Variants in ACSS3 observed in about 807,000 individuals in gnomAD.
The protein encoded by ACSS3 is acyl-CoA synthetase short-chain family member 3, mitochondrial.
A neutral mutation model predicts 84.2 loss-of-function variants in ACSS3; 64 were observed. That is an observed-to-expected ratio of 0.76 (90% CI 0.62 to 0.94). ACSS3 has a LOEUF of 0.94. Among genes scored for constraint, ACSS3 ranks in the 40% least tolerant of loss-of-function variants. The pLI, the probability that ACSS3 is intolerant of heterozygous loss-of-function variation, is 0.00. For missense variants in ACSS3, 815 were observed against 867.6 expected (o/e 0.94, Z 0.76); for synonymous variants, 317 against 310.1 (o/e 1.02, Z -0.23).
At chr12:81,205,852 G>A (rs80340714) in intron 9 of ACSS3, among the ~76,000 whole-genome samples, 4 of 152,066 alleles carry the variant, frequency 2.6e-5, no homozygotes, top group African/African-American at 9.7e-5. Context: ...TTTTTAAAAC[G>A]TTTCACAACT....
rs559943225 is a variant in ACSS3, at chr12:81,224,738, T to G, written c.1514+4662T>G. Among the ~76,000 whole-genome samples, 27 of 152,062 alleles carry G rather than the reference T, an allele frequency of 1.8e-4. 1 individual carries two copies. In the South Asian group the frequency reaches 5.2e-3, roughly 29 times the overall value. On this transcript the variant is annotated intron_variant, in intron 11 of 15. Transcript: ENST00000548058. ...TCACCTTTTAAATTGCACACCATTC[T>G]GAATAGGTGATGAATTCTTGTACTG...
At chr12:81,206,624 A>T (rs895181397) in intron 9 of ACSS3, among the ~76,000 whole-genome samples, 1 of 152,086 alleles carries the variant, frequency 6.6e-6, no homozygotes, top group Non-Finnish European at 1.5e-5. Flanking sequence ...CCATCTGGTG[A>T]GAGAGAAAAG....
chr12:81,132,457 G>T lies in ACSS3; in HGVS notation c.457-2359G>T, dbSNP rs1885565720. On this transcript the variant is annotated intron_variant, in intron 2 of 15. Coordinates refer to ENST00000548058, the MANE Select transcript of ACSS3 (RefSeq NM_024560.4). ...TTCTCTGATGGTAGTTTGTATTTCTGTGGGATCGGTGGTGATATCCCCTTT... is the reference window on the plus strand; with the variant it reads ...TTCTCTGATGGTAGTTTGTATTTCTTTGGGATCGGTGGTGATATCCCCTTT... 2.6e-5 allele frequency among the ~76,000 whole-genome samples: 4 copies of T among 152,098 alleles called. No individual in the cohort carries two copies. The South Asian group carries it at 8.3e-4, about 32-fold the overall frequency.
chr12:81,139,161 A>G lies in ACSS3; in HGVS notation c.676A>G (p.Ile226Val), dbSNP rs1030932289. The part of the protein sequence containing the change: ...PKVVVTASFG[I>V]EPGRRVEYVP... ...GGTGGTTGTTACAGCATCATTTGGC[A>G]TTGAACCTGGAAGGAGGGTAGAGTA... Residue 226 changes from isoleucine to valine, a missense_variant, in exon 4 of 16, where the codon ATT becomes GTT. Coordinates refer to ENST00000548058, the MANE Select transcript of ACSS3 (RefSeq NM_024560.4). 2 of 1,613,740 alleles carry G rather than the reference A, an allele frequency of 1.2e-6. No individual in the cohort carries two copies. The highest frequency in any genetic ancestry group is 8.5e-7 in the Non-Finnish European group (1 of 1,179,828).
At chr12:81,173,916 C>T (rs2030270439) in intron 7 of ACSS3, among the ~76,000 whole-genome samples, 2 of 148,590 alleles carry the variant, frequency 1.3e-5, no homozygotes, top group Non-Finnish European at 3.0e-5. Context: ...CATTTGTTTG[C>T]CTCCAACTTC....
Position 81,162,010 on chromosome 12 carries a change from C to T in ACSS3, c.1098+9914C>T, listed in dbSNP as rs533888807. The stretch of plus-strand genomic sequence containing the variant: ...TTGGGGAGCCCCCAGGTCTGGGCTG[C>T]TCAAAGGGCCACAGCCCTTCTCTCC... On this transcript the variant is annotated intron_variant, in intron 7 of 15. Transcript: ENST00000548058. Among the ~76,000 whole-genome samples, 5 of 152,288 alleles carry T rather than the reference C, an allele frequency of 3.3e-5. No individual in the cohort carries two copies. The East Asian group carries it at 9.7e-4, about 30-fold the overall frequency.
chr12:81,083,361 T>TTTG (rs1438914986), intron 1 of ACSS3, among the ~76,000 whole-genome samples: 1 of 150,096 alleles, frequency 6.7e-6, no homozygotes, highest in Non-Finnish European at 1.5e-5. Flanking sequence ...TTTTGGTCTT[T>TTTG]TTTTTTTTTC....
intron 7 of ACSS3, among the ~76,000 whole-genome samples, chr12:81,157,390 T>C (rs1008974969): frequency 6.6e-6 from 1 of 152,248 alleles, no homozygotes; most frequent in Non-Finnish European, 1.5e-5. Flanking sequence ...AAAAACCTGC[T>C]GCTAATATCA....
chr12:81,107,511 C>CACACATATAT lies in ACSS3; in HGVS notation c.312-2048_312-2047insCACATATATA, dbSNP rs1403415163. On this transcript the variant is annotated intron_variant, in intron 1 of 15. Transcript: ENST00000548058. ...TTTTTTTTTCAGGTACAAATATATA[C>CACACATATAT]ATATATATATATATATATATATATA... is the stretch of plus-strand genomic sequence containing the variant. Among the ~76,000 whole-genome samples, 95 of 38,824 alleles carry CACACATATAT rather than the reference C, an allele frequency of 2.4e-3. 8 individuals carry two copies. The highest frequency in any genetic ancestry group is 0.013 in the South Asian group (10 of 782). The allele number at this position is 38,824 out of a possible 152,430, so 25.5% of individuals were successfully genotyped here.
intron 13 of ACSS3, among the ~76,000 whole-genome samples, chr12:81,247,886 T>C (rs2034033548): frequency 6.6e-6 from 1 of 152,090 alleles, no homozygotes; most frequent in African/African-American, 2.4e-5. Context: ...CTTTTTGGAA[T>C]AGGAATTGAG....
At chr12:81,166,132 C>A (rs1039882243) in intron 7 of ACSS3, among the ~76,000 whole-genome samples, 2 of 152,096 alleles carry the variant, frequency 1.3e-5, no homozygotes, top group Non-Finnish European at 2.9e-5. Flanking sequence ...TGGAGAGGGA[C>A]AATTGGGAAG....
At position 81,206,063 on chromosome 12, in the gene ACSS3, C is replaced by G; in HGVS notation, c.1354+6619C>G. ...AACCTGTTTTATGTGGTTTGAGTAC[C>G]AACAGCCATTAGCAAATATTCCTCT... On this transcript the variant is annotated intron_variant, in intron 9 of 15. Coordinates refer to ENST00000548058, the MANE Select transcript of ACSS3 (RefSeq NM_024560.4). 1.3e-5 allele frequency among the ~76,000 whole-genome samples: 2 copies of G among 152,028 alleles called. 1 individual carries two copies. Among genetic ancestry groups the G allele is most frequent in the East Asian group, 3.9e-4 (2 of 5,188 alleles).
intron 3 of ACSS3, among the ~76,000 whole-genome samples, chr12:81,137,548 A>C (rs139324989): frequency 8.7e-4 from 133 of 152,284 alleles, no homozygotes; most frequent in African/African-American, 3.1e-3. Flanking sequence ...TAGGCTAAAG[A>C]AAAAGTTTTA....
intron 11 of ACSS3, among the ~76,000 whole-genome samples, chr12:81,223,378 C>T (rs545200697): frequency 2.2e-4 from 34 of 152,114 alleles, no homozygotes; most frequent in African/African-American, 6.7e-4. Flanking sequence ...TACAGCTTCA[C>T]GTAAATGATT....
chr12:81,183,909 C>A (rs2031094454), intron 8 of ACSS3, among the ~76,000 whole-genome samples: 2 of 151,862 alleles, frequency 1.3e-5, no homozygotes, highest in African/African-American at 4.8e-5. Flanking sequence ...TAAGGTGATA[C>A]TGGACATAAA....
At position 81,255,783 on chromosome 12, in the gene ACSS3, A is replaced by C. The variant is rs1053142390; in HGVS notation, c.*861A>C. The C allele has an allele frequency of 5.3e-5, 8 of 152,324 alleles. 1 individual carries two copies. The highest frequency in any genetic ancestry group is 4.6e-4 in the Admixed American group (7 of 15,274). 9.4% of individuals were successfully genotyped at this position (152,324 alleles called of 1,614,324 possible). ...TGTACTCCAGCCTGGGTGACAGAGT[A>C]AGACTCCATCTCAAAACAACAAAAA... On this transcript the variant is annotated 3_prime_UTR_variant, in exon 16 of 16. Transcript: ENST00000548058.
At chr12:81,078,703 G>C (rs76088097) in intron 1 of ACSS3, among the ~76,000 whole-genome samples, 1 of 152,148 alleles carries the variant, frequency 6.6e-6, no homozygotes, top group Admixed American at 6.5e-5. Context: ...AGTGGGAATA[G>C]TAAGAAAACT....
chr12:81,106,385 T>TA (rs1565978279), intron 1 of ACSS3, among the ~76,000 whole-genome samples: 1 of 152,196 alleles, frequency 6.6e-6, no homozygotes, highest in African/African-American at 2.4e-5. Flanking sequence ...ACTGTCTAGT[T>TA]ACAGGAAAAC....
intron 7 of ACSS3, among the ~76,000 whole-genome samples, chr12:81,155,448 T>G (rs1886815346): frequency 6.6e-6 from 1 of 152,198 alleles, no homozygotes; most frequent in South Asian, 2.1e-4. Context: ...GTGCACATCT[T>G]ATGCCCAAGA....
Sources: gnomAD v4.1 joint callset for allele counts (sites outside exome capture counted in the v4.1 genomes callset) on GRCh38, gnomAD v4.1.1 for gene constraint, MANE v1.5 for transcripts, NCBI Gene and HGNC (gene_info 2026-07-23, HGNC 2026-07-21) for gene names.